ZFAND1: variants seen among roughly 807,000 people sequenced by gnomAD.
ZFAND1 encodes AN1-type zinc finger protein 1.
ZFAND1 carries 40 observed loss-of-function variants against 38.5 expected under a neutral mutation model. The ratio of observed to expected loss-of-function variants is 1.04; its 90% confidence interval spans 0.81 to 1.35. The LOEUF (loss-of-function observed/expected upper bound fraction) is 1.35. Ranked by LOEUF, ZFAND1 falls within the 40% of genes most tolerant of loss-of-function variation. The pLI is 0.00. For missense variants in ZFAND1, 346 were observed against 316.3 expected, an observed-to-expected ratio of 1.09 and a Z score of -0.71; for synonymous variants, 117 against 103.6, an observed-to-expected ratio of 1.13 and a Z score of -0.78.
intron 1 of ZFAND1, among the ~76,000 whole-genome samples, chr8:81,719,847 G>A (rs536193096): frequency 2.6e-5 from 4 of 152,258 alleles, no homozygotes; most frequent in African/African-American, 9.6e-5. Context: ...AATGTGTATT[G>A]GACTCACTAG....
At chr8:81,713,657 A>G (rs1318458913) in intron 6 of ZFAND1, among the ~76,000 whole-genome samples, 1 of 152,208 alleles carries the variant, frequency 6.6e-6, no homozygotes, top group Non-Finnish European at 1.5e-5. Flanking sequence ...ACTAAATCTC[A>G]GCATGGATAA....
At chr8:81,709,670 C>A (rs2130406714) in intron 6 of ZFAND1, among the ~76,000 whole-genome samples, 1 of 152,082 alleles carries the variant, frequency 6.6e-6, no homozygotes, top group South Asian at 2.1e-4. Context: ...CCACATATAT[C>A]TCTAGTATAT....
At chr8:81,719,927 AG>A (rs1808425284) in intron 1 of ZFAND1, among the ~76,000 whole-genome samples, 1 of 152,222 alleles carries the variant, frequency 6.6e-6, no homozygotes, top group Non-Finnish European at 1.5e-5. Context: ...ACATGAAAAA[AG>A]TCACACTGGC....
intron 6 of ZFAND1, chr8:81,708,802 TA>T (rs2130402910): frequency 7.9e-7 from 1 of 1,264,980 alleles, no homozygotes; most frequent in South Asian, 1.3e-5. Context: ...TTAGTGCTCT[TA>T]AAAATACTTC....
chr8:81,706,143 T>C (rs1187269306), intron 6 of ZFAND1, among the ~76,000 whole-genome samples: 2 of 151,982 alleles, frequency 1.3e-5, no homozygotes, highest in African/African-American at 2.4e-5. Context: ...CCAAAAAAGA[T>C]AGATTACTCA....
intron 6 of ZFAND1, among the ~76,000 whole-genome samples, chr8:81,706,382 A>C (rs1585920757): frequency 6.7e-6 from 1 of 149,470 alleles, no homozygotes; most frequent in Non-Finnish European, 1.5e-5. Context: ...AAAAAAAAAA[A>C]AAAAAAAAAA....
At chr8:81,706,689 A>G (rs1807994299) in intron 6 of ZFAND1, among the ~76,000 whole-genome samples, 1 of 152,058 alleles carries the variant, frequency 6.6e-6, no homozygotes, top group Non-Finnish European at 1.5e-5. Context: ...AATTAAAGCT[A>G]TTCTTATTTG....
chr8:81,713,783 A>T, intron 6 of ZFAND1, 135 bp downstream of exon 6: 2 of 801,664 alleles, frequency 2.5e-6, no homozygotes, highest in Non-Finnish European at 1.9e-6. Context: ...TTATTTATGC[A>T]GACATATACC....
chr8:81,702,558 T>C lies in ZFAND1; in HGVS notation c.*137A>G, dbSNP rs1007784441. ...AAAAACTCTAATAGAAAACTCATAA[T>C]TTAAAATGTGACATAAGGGGAAATA... On this transcript the variant is annotated 3_prime_UTR_variant, in exon 8 of 8. Transcript: ENST00000220669. 14 of 721,504 alleles carry C rather than the reference T, an allele frequency of 1.9e-5. No homozygotes were observed. Among genetic ancestry groups the C allele is most frequent in the Non-Finnish European group, 2.4e-5 (12 of 501,460 alleles). The allele number at this position is 721,504 out of a possible 1,614,324, so 44.7% of individuals were successfully genotyped here.
intron 6 of ZFAND1, among the ~76,000 whole-genome samples, chr8:81,704,689 A>G (rs1247143899): frequency 6.6e-6 from 1 of 152,204 alleles, no homozygotes; most frequent in East Asian, 1.9e-4. Context: ...TAACAGGAGC[A>G]TCTCTAACTT....
At chr8:81,714,681 A>G in intron 5 of ZFAND1, 123 bp downstream of exon 5, 1 of 802,214 alleles carries the variant, frequency 1.2e-6, no homozygotes, top group Non-Finnish European at 2.0e-6. Flanking sequence ...ATATCATCAA[A>G]ATACAAGTTA....
At chr8:81,719,043 C>T in intron 1 of ZFAND1, among the ~76,000 whole-genome samples, 1 of 151,720 alleles carries the variant, frequency 6.6e-6, no homozygotes. Flanking sequence ...TGCTGTATGC[C>T]ACACCGACCT....
At position 81,715,093 on chromosome 8, in the gene ZFAND1, GT is replaced by G. The variant is rs1382717182; in HGVS notation, c.159del (p.Arg53SerfsTer2). The G allele has an allele frequency of 6.2e-7, 1 of 1,613,882 alleles. No homozygotes were observed. Among genetic ancestry groups the G allele is most frequent in the South Asian group, 1.1e-5 (1 of 91,082 alleles). On this transcript the variant is annotated frameshift_variant, in exon 4 of 8. Coordinates refer to ENST00000220669, the MANE Select transcript of ZFAND1 (RefSeq NM_024699.3). LOFTEE classifies it high-confidence loss of function. ...GCPEVTVINE[R>X]LKTDQHTSYP... is the part of the protein sequence containing the mutation. Reference sequence around the variant, plus strand: ...TAAGATGTATGTTGATCTGTCTTCAGTCTCTCATTGATTACAGTCACCTGAA... The same window carrying G: ...TAAGATGTATGTTGATCTGTCTTCAGCTCTCATTGATTACAGTCACCTGAA...
chr8:81,714,875 T>C lies in ZFAND1; in HGVS notation c.287A>G (p.His96Arg), dbSNP rs201698980. 9 of 1,614,098 alleles carry C rather than the reference T, an allele frequency of 5.6e-6. No homozygotes were observed. In the East Asian group the frequency reaches 1.6e-4, roughly 28 times the overall value. ...FCLRHRHQSD[H>R]ECEKLEIPKP... ...TGGGATTTCCAGTTTTTCACACTCA[T>C]GATCTGACTGATGACGGTGTCTATG... The change falls in exon 5 of 8, where the codon CAT (histidine) becomes CGT (arginine). Residue 96 changes from histidine (H) to arginine (R), a missense_variant. His to Arg is a conservative substitution (Grantham distance 29). Coordinates refer to ENST00000220669, the MANE Select transcript of ZFAND1 (RefSeq NM_024699.3).
intron 5 of ZFAND1, chr8:81,714,354 A>G: frequency 3.7e-6 from 1 of 269,666 alleles, no homozygotes; most frequent in African/African-American, 2.3e-5. Context: ...ATTGTAATAA[A>G]GGTACTATCC....
At chr8:81,704,121 G>T (rs1807898756) in intron 6 of ZFAND1, among the ~76,000 whole-genome samples, 1 of 145,784 alleles carries the variant, frequency 6.9e-6, no homozygotes, top group Non-Finnish European at 1.5e-5. Context: ...AAAAAAAAAA[G>T]AGATAGAAAA....
At chr8:81,713,130 CG>C (rs751968508) in intron 6 of ZFAND1, among the ~76,000 whole-genome samples, 3 of 31,422 alleles carry the variant, frequency 9.5e-5, no homozygotes, top group Non-Finnish European at 1.8e-4. Context: ...TGTTTTTGTT[CG>C]TTTTTTTTTG....
chr8:81,703,669 C>T (rs371550166), intron 6 of ZFAND1, among the ~76,000 whole-genome samples: 10 of 152,136 alleles, frequency 6.6e-5, no homozygotes, highest in Non-Finnish European at 1.0e-4. Context: ...GTGATCCACC[C>T]GCCTCGGCCT....
chr8:81,707,801 A>G (rs980731564), intron 6 of ZFAND1, among the ~76,000 whole-genome samples: 15 of 152,230 alleles, frequency 9.9e-5, no homozygotes, highest in Admixed American at 3.3e-4. Flanking sequence ...TCAACTTTTC[A>G]TGAAGGTGGT....
Sources: allele counts gnomAD v4.1 joint callset (sites outside exome capture counted in the v4.1 genomes callset), GRCh38; gene constraint gnomAD v4.1.1; transcripts MANE v1.5; gene names NCBI Gene and HGNC (gene_info 2026-07-23, HGNC 2026-07-21).